The following QTGAL variants were observed in gnomAD, a reference collection of about 807,000 sequenced individuals.
QTGAL encodes queuosine-tRNA galactosyltransferase.
At chr17:83,017,511 T>C in the QTGAL span, among the ~76,000 whole-genome samples, 1 of 151,750 alleles carries the variant, frequency 6.6e-6, no homozygotes, top group African/African-American at 2.4e-5. Flanking sequence ...TAGTCCCAGC[T>C]ACTCAGGAAG....
the QTGAL span, among the ~76,000 whole-genome samples, chr17:82,960,043 T>C: frequency 5.9e-5 from 9 of 152,144 alleles, no homozygotes; most frequent in Non-Finnish European, 1.3e-4. Flanking sequence ...TCTGGAAATG[T>C]TGCAAAGGAG....
chr17:83,046,461 C>T, the QTGAL span, among the ~76,000 whole-genome samples: 4 of 152,204 alleles, frequency 2.6e-5, no homozygotes, highest in African/African-American at 7.2e-5. Context: ...AAATGGCCAA[C>T]AAGCACACGA....
chr17:83,004,814 C>T, the QTGAL span, among the ~76,000 whole-genome samples: 11 of 151,170 alleles, frequency 7.3e-5, no homozygotes, highest in East Asian at 2.0e-4. Flanking sequence ...CTGCGGTCTG[C>T]GTGTGGGATT....
the QTGAL span, among the ~76,000 whole-genome samples, chr17:82,955,908 A>C: frequency 6.6e-6 from 1 of 151,978 alleles, no homozygotes; most frequent in African/African-American, 2.4e-5. Flanking sequence ...ACAGAAAACC[A>C]AACACCGCAT....
the QTGAL span, among the ~76,000 whole-genome samples, chr17:82,986,995 C>T: frequency 1.3e-5 from 2 of 152,230 alleles, no homozygotes; most frequent in South Asian, 2.1e-4. Context: ...TGCCTTTCTC[C>T]TGCCCTGGAG....
chr17:82,950,008 A>G, the QTGAL span: 2 of 152,260 alleles, frequency 1.3e-5, no homozygotes, highest in African/African-American at 4.8e-5. Flanking sequence ...TAAGCTGGAA[A>G]TTTCCCTGAA....
At chr17:83,031,636 G>A in the QTGAL span, among the ~76,000 whole-genome samples, 5,723 of 152,330 alleles carry the variant, frequency 0.038, 163 homozygotes, top group African/African-American at 0.078. Flanking sequence ...TAATAGGCTC[G>A]AGGACAAGCC....
the QTGAL span, among the ~76,000 whole-genome samples, chr17:83,044,357 C>A: frequency 6.6e-6 from 1 of 152,176 alleles, no homozygotes; most frequent in Non-Finnish European, 1.5e-5. Context: ...ACGTAACATA[C>A]CATCTTAACA....
the QTGAL span, among the ~76,000 whole-genome samples, chr17:82,998,145 C>T: frequency 6.6e-6 from 1 of 151,744 alleles, no homozygotes; most frequent in African/African-American, 2.4e-5. Context: ...AGGATAAATG[C>T]TTGAGGTGAA....
chr17:82,995,476 G>A, the QTGAL span, among the ~76,000 whole-genome samples: 243 of 151,294 alleles, frequency 1.6e-3, 1 homozygote, highest in Middle Eastern at 0.01. Context: ...TCTGCTTCCC[G>A]GGTTCAAGCA....
At chr17:82,952,447 G>A in the QTGAL span, among the ~76,000 whole-genome samples, 1 of 152,090 alleles carries the variant, frequency 6.6e-6, no homozygotes, top group Non-Finnish European at 1.5e-5. Flanking sequence ...AACCAATGAA[G>A]ATTAAAAAAG....
chr17:82,954,212 T>C, the QTGAL span, among the ~76,000 whole-genome samples: 1 of 152,168 alleles, frequency 6.6e-6, no homozygotes, highest in African/African-American at 2.4e-5. Flanking sequence ...TTGTCTCTGT[T>C]TGCAGATGAC....
At chr17:83,020,806 G>A in the QTGAL span, among the ~76,000 whole-genome samples, 1 of 152,244 alleles carries the variant, frequency 6.6e-6, no homozygotes. Flanking sequence ...AGGGATCTGT[G>A]AGGACGGGGA....
the QTGAL span, among the ~76,000 whole-genome samples, chr17:83,013,383 T>C: frequency 3.3e-5 from 1 of 30,536 alleles, no homozygotes. Context: ...CCTGCCCCCA[T>C]CCCAACCCCC....
the QTGAL span, among the ~76,000 whole-genome samples, chr17:82,967,545 G>A: frequency 6.6e-6 from 1 of 152,054 alleles, no homozygotes; most frequent in Non-Finnish European, 1.5e-5. Context: ...GTCACACTGC[G>A]GGGGTGGGGG....
chr17:83,029,323 C>T, the QTGAL span, among the ~76,000 whole-genome samples: 1 of 152,208 alleles, frequency 6.6e-6, no homozygotes, highest in Non-Finnish European at 1.5e-5. Flanking sequence ...CAGAATACTA[C>T]AGTGGTACCC....
the QTGAL span, among the ~76,000 whole-genome samples, chr17:82,985,888 A>G: frequency 1.3e-5 from 2 of 152,158 alleles, no homozygotes; most frequent in Non-Finnish European, 2.9e-5. Context: ...GTATTCCAGG[A>G]AAGTGTGTGT....
chr17:83,001,638 G>A, the QTGAL span, among the ~76,000 whole-genome samples: 1 of 152,170 alleles, frequency 6.6e-6, no homozygotes, highest in Admixed American at 6.5e-5. Context: ...CTAGGTGCTG[G>A]GTGTGTGACC....
chr17:83,044,852 A>G, the QTGAL span, among the ~76,000 whole-genome samples: 4 of 152,264 alleles, frequency 2.6e-5, no homozygotes, highest in Admixed American at 2.0e-4. Context: ...AGGCTGAGAC[A>G]TGAGAATTGC....
Sources: gnomAD v4.1 joint callset for allele counts (sites outside exome capture counted in the v4.1 genomes callset) on GRCh38, gnomAD v4.1.1 for gene constraint, MANE v1.5 for transcripts, NCBI Gene and HGNC (gene_info 2026-07-23, HGNC 2026-07-21) for gene names.